The following CHODL variants were observed in gnomAD, a reference collection of about 807,000 sequenced individuals.
CHODL encodes chondrolectin, also known as transmembrane protein MT75.
CHODL carries 29 observed loss-of-function variants against 34.5 expected under a neutral mutation model. That is an observed-to-expected ratio of 0.84 (90% confidence interval 0.63 to 1.15). CHODL has a LOEUF of 1.15. Ranked by LOEUF, CHODL falls within the 50% of genes most tolerant of loss-of-function variation. CHODL has a pLI of 0.00. For missense variants in CHODL, 332 were observed against 332.5 expected (o/e 1.00, Z 0.01); for synonymous variants, 125 against 116.1 (o/e 1.08, Z -0.49).
intron 1 of CHODL, among the ~76,000 whole-genome samples, chr21:18,023,421 A>G (rs1156595818): frequency 1.3e-5 from 2 of 152,112 alleles, no homozygotes; most frequent in African/African-American, 4.8e-5. Context: ...CAGAGATGGT[A>G]GCAGGCAGGG....
At chr21:17,939,468 C>A (rs1011043763) in intron 1 of CHODL, among the ~76,000 whole-genome samples, 4 of 152,126 alleles carry the variant, frequency 2.6e-5, no homozygotes, top group Non-Finnish European at 5.9e-5. Context: ...TTTTCTTTAT[C>A]CATTTCATCT....
At chr21:18,216,673 A>G (rs1054518781) in intron 2 of CHODL, among the ~76,000 whole-genome samples, 1 of 152,156 alleles carries the variant, frequency 6.6e-6, no homozygotes, top group African/African-American at 2.4e-5. Flanking sequence ...TAAAGGAAAG[A>G]GGTTTAATTG....
intron 1 of CHODL, among the ~76,000 whole-genome samples, chr21:18,248,155 C>A (rs1015756477): frequency 7.3e-5 from 11 of 151,700 alleles, no homozygotes; most frequent in African/African-American, 2.7e-4. Context: ...TTTATTAAAA[C>A]TGGCACATGT....
At chr21:18,248,966 C>CAT in intron 1 of CHODL, among the ~76,000 whole-genome samples, 5 of 103,438 alleles carry the variant, frequency 4.8e-5, no homozygotes, top group African/African-American at 2.5e-4. Context: ...GTAATATATA[C>CAT]ATATATGTAA....
chr21:18,000,183 A>G (rs1317436706), intron 1 of CHODL, among the ~76,000 whole-genome samples: 1 of 152,098 alleles, frequency 6.6e-6, no homozygotes. Context: ...ACTGTAATCA[A>G]TATTTCTGAC....
At chr21:17,933,846 C>G (rs887985176) in intron 1 of CHODL, among the ~76,000 whole-genome samples, 4 of 152,100 alleles carry the variant, frequency 2.6e-5, no homozygotes, top group South Asian at 2.1e-4. Flanking sequence ...TGAGACCATC[C>G]TGGCCAACAT....
intron 2 of CHODL, among the ~76,000 whole-genome samples, chr21:18,213,795 G>A (rs2146726787): frequency 6.6e-6 from 1 of 152,126 alleles, no homozygotes; most frequent in East Asian, 1.9e-4. Flanking sequence ...GAGGCAGCAG[G>A]AAAAAGAGCT....
chr21:18,207,152 G>C (rs1350367182), intron 2 of CHODL, among the ~76,000 whole-genome samples: 1 of 152,040 alleles, frequency 6.6e-6, no homozygotes, highest in African/African-American at 2.4e-5. Flanking sequence ...TTCTGTCCTT[G>C]TGATACTTTG....
At chr21:18,073,016 T>C (rs2064823872) in intron 2 of CHODL, among the ~76,000 whole-genome samples, 1 of 152,168 alleles carries the variant, frequency 6.6e-6, no homozygotes, top group Admixed American at 6.5e-5. Context: ...CTTATCAATG[T>C]GTAACTTCTT....
At chr21:17,965,584 G>A (rs955041530) in intron 1 of CHODL, among the ~76,000 whole-genome samples, 2 of 152,010 alleles carry the variant, frequency 1.3e-5, no homozygotes, top group Non-Finnish European at 2.9e-5. Flanking sequence ...GCTTCTGTAA[G>A]CACGTGTTTA....
At chr21:18,139,376 C>T (rs908433403) in intron 2 of CHODL, among the ~76,000 whole-genome samples, 12 of 152,036 alleles carry the variant, frequency 7.9e-5, no homozygotes, top group African/African-American at 2.4e-4. Flanking sequence ...AATAAGTGAA[C>T]AAATGGCAAC....
chr21:18,191,813 A>G (rs970517565), intron 2 of CHODL, among the ~76,000 whole-genome samples: 2 of 152,170 alleles, frequency 1.3e-5, no homozygotes, highest in Admixed American at 1.3e-4. Flanking sequence ...GGCAGGGAGA[A>G]ATAGGGAGTT....
chr21:18,123,982 A>C (rs1359703842), intron 2 of CHODL, among the ~76,000 whole-genome samples: 1 of 152,152 alleles, frequency 6.6e-6, no homozygotes, highest in Non-Finnish European at 1.5e-5. Flanking sequence ...CAGGAGTTTG[A>C]GACCAGCCTG....
chr21:18,038,277 C>A (rs1315390610), intron 2 of CHODL, among the ~76,000 whole-genome samples: 1 of 151,530 alleles, frequency 6.6e-6, no homozygotes, highest in Non-Finnish European at 1.5e-5. Flanking sequence ...AAGACATTCC[C>A]AATGTATAAG....
At chr21:18,042,305 T>C (rs1048604225) in intron 2 of CHODL, among the ~76,000 whole-genome samples, 1 of 151,858 alleles carries the variant, frequency 6.6e-6, no homozygotes, top group Non-Finnish European at 1.5e-5. Context: ...CTGCAAACCT[T>C]CTTACAGCCT....
intron 2 of CHODL, among the ~76,000 whole-genome samples, chr21:18,222,445 C>A (rs1042311135): frequency 3.3e-5 from 5 of 152,048 alleles, no homozygotes; most frequent in Admixed American, 6.6e-5. Context: ...AAGGTGGGAA[C>A]CTGCACTAAT....
chr21:18,030,668 G>A (rs1221513777), intron 2 of CHODL, among the ~76,000 whole-genome samples: 1 of 152,118 alleles, frequency 6.6e-6, no homozygotes, highest in African/African-American at 2.4e-5. Context: ...ACTAGGAATA[G>A]AAATGGATGG....
At chr21:17,980,175 A>G (rs971592972) in intron 1 of CHODL, among the ~76,000 whole-genome samples, 2 of 151,718 alleles carry the variant, frequency 1.3e-5, no homozygotes, top group Non-Finnish European at 2.9e-5. Context: ...AATGTGGAAG[A>G]CAGCTGTTTT....
chr21:18,007,067 A>C (rs2063967652), intron 1 of CHODL, among the ~76,000 whole-genome samples: 1 of 152,186 alleles, frequency 6.6e-6, no homozygotes, highest in African/African-American at 2.4e-5. Context: ...AAACATTCAG[A>C]TTTCTATAGC....
Sources: allele counts gnomAD v4.1 joint callset (sites outside exome capture counted in the v4.1 genomes callset), GRCh38; gene constraint gnomAD v4.1.1; transcripts MANE v1.5; gene names NCBI Gene and HGNC (gene_info 2026-07-23, HGNC 2026-07-21).